Variants in ATRNL1 observed in about 807,000 individuals in gnomAD.
ATRNL1 encodes attractin like 1.
Under a neutral mutation model 182.7 loss-of-function variants are expected in ATRNL1, and 95 were observed. That is an observed-to-expected ratio of 0.52 (90% CI 0.44 to 0.62). The LOEUF (loss-of-function observed/expected upper bound fraction) is 0.62, where lower values mean the gene tolerates loss of function less well. Among genes scored for constraint, ATRNL1 ranks in the 20% least tolerant of loss-of-function variants. ATRNL1 has a pLI of 0.00. For missense variants in ATRNL1, 1,471 were observed against 1,679.5 expected (o/e 0.88, Z 2.17); for synonymous variants, 576 against 568.3 (o/e 1.01, Z -0.19).
intron 8 of ATRNL1, 178 bp downstream of exon 8, chr10:115,171,470 T>G: frequency 2.0e-6 from 1 of 496,528 alleles, no homozygotes; most frequent in Non-Finnish European, 3.3e-6. Flanking sequence ...CTTTAATATT[T>G]AAGCTTACCT....
At chr10:115,338,196 G>A (rs912129131) in intron 19 of ATRNL1, among the ~76,000 whole-genome samples, 4 of 152,266 alleles carry the variant, frequency 2.6e-5, no homozygotes, top group South Asian at 4.2e-4. Context: ...TTGTTGCAAC[G>A]TAGGAGCGCA....
chr10:115,636,681 C>A (rs1858893470), intron 26 of ATRNL1, among the ~76,000 whole-genome samples: 1 of 149,922 alleles, frequency 6.7e-6, no homozygotes, highest in Non-Finnish European at 1.5e-5. Flanking sequence ...ACATAGGTTA[C>A]CATATGGCCC....
chr10:115,894,803 C>T (rs1404415446), intron 28 of ATRNL1, among the ~76,000 whole-genome samples: 1 of 152,056 alleles, frequency 6.6e-6, no homozygotes. Context: ...CTTTTGCTTC[C>T]GGCAGACTGA....
chr10:115,121,497 A>G (rs554214418), intron 2 of ATRNL1, among the ~76,000 whole-genome samples: 10 of 152,218 alleles, frequency 6.6e-5, no homozygotes, highest in Non-Finnish European at 4.4e-5. Flanking sequence ...TTTTATTTGT[A>G]CAAATTAGAT....
intron 20 of ATRNL1, among the ~76,000 whole-genome samples, chr10:115,422,562 G>A (rs1285975324): frequency 6.6e-6 from 1 of 152,166 alleles, no homozygotes; most frequent in African/African-American, 2.4e-5. Context: ...CAGAGAAAAG[G>A]GGACCTTATA....
intron 2 of ATRNL1, among the ~76,000 whole-genome samples, chr10:115,121,369 C>G (rs1844723000): frequency 6.6e-6 from 1 of 152,162 alleles, no homozygotes; most frequent in Non-Finnish European, 1.5e-5. Context: ...TTTGGCCTCC[C>G]AAAGTGCCGG....
chr10:115,883,929 A>G (rs1951884948), intron 28 of ATRNL1, among the ~76,000 whole-genome samples: 1 of 152,234 alleles, frequency 6.6e-6, no homozygotes, highest in African/African-American at 2.4e-5. Context: ...GAAGAATGAC[A>G]TTTTGAGTAG....
intron 27 of ATRNL1, among the ~76,000 whole-genome samples, chr10:115,824,877 A>G (rs1239530902): frequency 3.3e-5 from 5 of 152,200 alleles, no homozygotes; most frequent in Non-Finnish European, 5.9e-5. Flanking sequence ...AGAATCAGCA[A>G]TCTCATTACT....
intron 27 of ATRNL1, among the ~76,000 whole-genome samples, chr10:115,800,518 A>C (rs911279889): frequency 6.6e-6 from 1 of 152,120 alleles, no homozygotes; most frequent in Non-Finnish European, 1.5e-5. Flanking sequence ...TCAACCCCAG[A>C]GGTCTGATTC....
intron 26 of ATRNL1, among the ~76,000 whole-genome samples, chr10:115,549,904 ATATT>A (rs1313109615): frequency 2.6e-5 from 4 of 151,926 alleles, no homozygotes; most frequent in African/African-American, 9.7e-5. Context: ...TGAGTGATAA[ATATT>A]TATTTTTGGT....
chr10:115,223,929 A>ATATAT (rs1420143943), intron 9 of ATRNL1, among the ~76,000 whole-genome samples: 3 of 44,714 alleles, frequency 6.7e-5, no homozygotes, highest in African/African-American at 9.2e-5. Context: ...ATATATATAT[A>ATATAT]TTTTTTTTTT....
At chr10:115,845,896 T>C (rs1555098625) in intron 27 of ATRNL1, among the ~76,000 whole-genome samples, 2 of 152,104 alleles carry the variant, frequency 1.3e-5, no homozygotes, top group African/African-American at 2.4e-5. Context: ...TTTAATCAAT[T>C]GACCTTTACA....
chr10:115,608,781 G>T (rs1413395712), intron 26 of ATRNL1, among the ~76,000 whole-genome samples: 6 of 151,900 alleles, frequency 3.9e-5, no homozygotes, highest in African/African-American at 1.4e-4. Context: ...ACAGATTAAA[G>T]CTGGACAACT....
intron 28 of ATRNL1, among the ~76,000 whole-genome samples, chr10:115,885,225 G>C (rs1555109477): frequency 6.6e-6 from 1 of 152,128 alleles, no homozygotes; most frequent in African/African-American, 2.4e-5. Context: ...AAAGACTCAG[G>C]TCTCATTTGA....
At chr10:115,109,881 T>A (rs1554867397) in intron 1 of ATRNL1, among the ~76,000 whole-genome samples, 5 of 152,228 alleles carry the variant, frequency 3.3e-5, no homozygotes. Flanking sequence ...TTCACTTATG[T>A]TTAGCATATT....
At chr10:115,134,467 C>A (rs1372678203) in intron 5 of ATRNL1, among the ~76,000 whole-genome samples, 1 of 151,908 alleles carries the variant, frequency 6.6e-6, no homozygotes, top group Non-Finnish European at 1.5e-5. Context: ...ACACACACAC[C>A]CTCCCAAGAC....
chr10:115,120,497 G>T (rs1008587889), intron 2 of ATRNL1, among the ~76,000 whole-genome samples: 2 of 151,820 alleles, frequency 1.3e-5, no homozygotes, highest in African/African-American at 2.4e-5. Context: ...TGTTATTGTG[G>T]TATTAAATTG....
chr10:115,521,302 G>A (rs1850921548), intron 25 of ATRNL1, among the ~76,000 whole-genome samples: 1 of 152,010 alleles, frequency 6.6e-6, no homozygotes. Context: ...ACAGGCACGT[G>A]CCACCACGCC....
chr10:115,750,437 A>G (rs1202671523), intron 27 of ATRNL1, among the ~76,000 whole-genome samples: 1 of 151,892 alleles, frequency 6.6e-6, no homozygotes, highest in Non-Finnish European at 1.5e-5. Flanking sequence ...GAGAAAACTG[A>G]ATCTGTTCCA....
Sources: allele counts gnomAD v4.1 joint callset (sites outside exome capture counted in the v4.1 genomes callset), GRCh38; gene constraint gnomAD v4.1.1; transcripts MANE v1.5; gene names NCBI Gene and HGNC (gene_info 2026-07-23, HGNC 2026-07-21).